Variants in PHF24 observed in about 807,000 individuals in gnomAD.
PHF24 encodes the protein PHD finger protein 24, also known as Galpha inhibitory interacting protein.
In PHF24, 25 loss-of-function variants were observed where a neutral mutation model predicts 42.6. That is an observed-to-expected ratio of 0.59 (90% CI 0.43 to 0.82). The LOEUF is 0.82. Among genes scored for constraint, PHF24 ranks in the 40% least tolerant of loss-of-function variants. The probability of loss-of-function intolerance (pLI) is 0.00; values close to 1 mark genes in which losing one functional copy is unlikely to be tolerated. For synonymous variants in PHF24, 185 were observed against 204.8 expected, an observed-to-expected ratio of 0.90 and a Z score of 0.83; for missense variants, 470 against 538.1, an observed-to-expected ratio of 0.87 and a Z score of 1.25.
chr9:34,964,326 T>A (rs372026463), intron 1 of PHF24, among the ~76,000 whole-genome samples: 2 of 152,188 alleles, frequency 1.3e-5, no homozygotes, highest in South Asian at 2.1e-4. Flanking sequence ...GGAGAATCAC[T>A]TGAGCCCAGG....
At chr9:34,794,439 A>G in the PHF24 span, among the ~76,000 whole-genome samples, 1 of 152,250 alleles carries the variant, frequency 6.6e-6, no homozygotes, top group African/African-American at 2.4e-5. Flanking sequence ...GTTATTCAAC[A>G]TATGAAACCA....
chr9:34,736,177 A>G, the PHF24 span, among the ~76,000 whole-genome samples: 16 of 152,320 alleles, frequency 1.1e-4, no homozygotes, highest in African/African-American at 3.6e-4. Flanking sequence ...ATACCAGAAC[A>G]GAGCATCCAA....
chr9:34,794,844 T>C, the PHF24 span, among the ~76,000 whole-genome samples: 3 of 152,238 alleles, frequency 2.0e-5, no homozygotes, highest in African/African-American at 7.2e-5. Flanking sequence ...AGTACCAAAA[T>C]GTCTAACATG....
the PHF24 span, among the ~76,000 whole-genome samples, chr9:34,899,447 C>T: frequency 3.9e-5 from 6 of 152,346 alleles, no homozygotes; most frequent in South Asian, 1.2e-3. Context: ...TGGTGTGAGA[C>T]TTGTCCCTCC....
the PHF24 span, among the ~76,000 whole-genome samples, chr9:34,704,478 A>AGTGTGTGT: frequency 0.021 from 3,182 of 150,692 alleles, 135 homozygotes; most frequent in African/African-American, 0.073. Flanking sequence ...TGATTTCATT[A>AGTGTGTGT]GTGTGTGTGT....
At chr9:34,763,890 G>A in the PHF24 span, among the ~76,000 whole-genome samples, 1 of 152,186 alleles carries the variant, frequency 6.6e-6, no homozygotes, top group African/African-American at 2.4e-5. Flanking sequence ...CTAATTTGTT[G>A]AGAGTTTTTA....
In PHF24 at chr9:34,966,114, C is replaced by T. The variant is rs547361646; in HGVS notation, c.-4-5181C>T. On this transcript the variant is annotated intron_variant, in intron 1 of 7. Transcript: ENST00000242315. Reference sequence around the variant, plus strand: ...TGTTTTGTAGTCTATGTCACACACACAAAAAAAGCAGAGATGGTTTTTAAT... The same window carrying T: ...TGTTTTGTAGTCTATGTCACACACATAAAAAAAGCAGAGATGGTTTTTAAT... Among the ~76,000 whole-genome samples the T allele has an allele frequency of 7.2e-5, 11 of 152,098 alleles. No individual in the cohort carries two copies. The South Asian group carries it at 2.3e-3, about 32-fold the overall frequency.
chr9:34,893,532 C>T, the PHF24 span, among the ~76,000 whole-genome samples: 2 of 151,130 alleles, frequency 1.3e-5, no homozygotes, highest in Non-Finnish European at 2.9e-5. Flanking sequence ...ACCTGGGAGA[C>T]GGAGCTTGCA....
At chr9:34,775,855 C>A in the PHF24 span, among the ~76,000 whole-genome samples, 1 of 152,086 alleles carries the variant, frequency 6.6e-6, no homozygotes, top group Non-Finnish European at 1.5e-5. Flanking sequence ...ACCTAAATGC[C>A]CAGCACTGAA....
At chr9:34,717,727 G>A in the PHF24 span, among the ~76,000 whole-genome samples, 2 of 152,148 alleles carry the variant, frequency 1.3e-5, no homozygotes, top group South Asian at 4.1e-4. Context: ...GGAGGAGAGG[G>A]TCTTTGCAGG....
At chr9:34,856,292 C>G in the PHF24 span, among the ~76,000 whole-genome samples, 1 of 152,160 alleles carries the variant, frequency 6.6e-6, no homozygotes, top group Non-Finnish European at 1.5e-5. Context: ...CCTTCTCAGC[C>G]TCAGCCTAGT....
At chr9:34,822,399 A>T in the PHF24 span, among the ~76,000 whole-genome samples, 1 of 152,218 alleles carries the variant, frequency 6.6e-6, no homozygotes, top group Non-Finnish European at 1.5e-5. Flanking sequence ...TAAAATAGAG[A>T]TAGAATTCAC....
the PHF24 span, chr9:34,832,845 T>C: frequency 1.9e-6 from 3 of 1,551,696 alleles, no homozygotes; most frequent in Non-Finnish European, 2.6e-6. Flanking sequence ...TCAGGAATTG[T>C]TGCTGGTTCA....
intron 1 of PHF24, among the ~76,000 whole-genome samples, chr9:34,963,725 C>A (rs1217995842): frequency 6.6e-6 from 1 of 152,180 alleles, no homozygotes; most frequent in Non-Finnish European, 1.5e-5. Context: ...TTTCTTAACT[C>A]TCCTCTGTAG....
At chr9:34,787,512 T>G in the PHF24 span, among the ~76,000 whole-genome samples, 1 of 152,094 alleles carries the variant, frequency 6.6e-6, no homozygotes, top group African/African-American at 2.4e-5. Flanking sequence ...TTTTTCAGGG[T>G]TATCTTGAAA....
At chr9:34,886,866 G>A in the PHF24 span, among the ~76,000 whole-genome samples, 5 of 74,306 alleles carry the variant, frequency 6.7e-5, no homozygotes, top group African/African-American at 1.9e-4. Flanking sequence ...ATCTATCTCT[G>A]GCTGTCTATC....
the PHF24 span, among the ~76,000 whole-genome samples, chr9:34,749,743 A>G: frequency 2.6e-5 from 4 of 151,014 alleles, no homozygotes; most frequent in Non-Finnish European, 5.9e-5. Flanking sequence ...CACATGCATT[A>G]GGTATTTGTC....
chr9:34,826,777 C>T, the PHF24 span, among the ~76,000 whole-genome samples: 7 of 152,132 alleles, frequency 4.6e-5, no homozygotes, highest in Admixed American at 2.6e-4. Flanking sequence ...CAGAGGTGAA[C>T]CCAAAGATCC....
chr9:34,857,700 C>T, the PHF24 span, among the ~76,000 whole-genome samples: 4 of 152,216 alleles, frequency 2.6e-5, no homozygotes, highest in African/African-American at 9.6e-5. Context: ...ATTTTCATTG[C>T]TCTTTGTGAG....
Sources: gnomAD v4.1 joint callset for allele counts (sites outside exome capture counted in the v4.1 genomes callset) on GRCh38, gnomAD v4.1.1 for gene constraint, MANE v1.5 for transcripts, NCBI Gene and HGNC (gene_info 2026-07-23, HGNC 2026-07-21) for gene names.